BABAM2: variants seen among roughly 807,000 people sequenced by gnomAD.
BABAM2 encodes BRISC and BRCA1-A complex member 2.
Under a neutral mutation model 54.7 loss-of-function variants are expected in BABAM2, and 31 were observed. The ratio of observed to expected loss-of-function variants is 0.57; its 90% CI spans 0.43 to 0.77. The LOEUF (loss-of-function observed/expected upper bound fraction) is 0.77. Among genes scored for constraint, BABAM2 ranks in the 30% least tolerant of loss-of-function variants. The probability of loss-of-function intolerance (pLI) is 0.00; values close to 1 mark genes in which losing one functional copy is unlikely to be tolerated. For synonymous variants in BABAM2, 167 were observed against 162.9 expected (o/e 1.03, Z -0.19); for missense variants, 364 against 455.8 (o/e 0.80, Z 1.83).
intron 9 of BABAM2, among the ~76,000 whole-genome samples, chr2:28,242,579 A>G (rs1682544591): frequency 6.6e-6 from 1 of 152,242 alleles, no homozygotes; most frequent in Non-Finnish European, 1.5e-5. Flanking sequence ...CAGAAGGCTT[A>G]TAAATATATA....
chr2:28,120,869 A>G (rs567731924), intron 6 of BABAM2, among the ~76,000 whole-genome samples: 88 of 152,340 alleles, frequency 5.8e-4, no homozygotes, highest in African/African-American at 1.4e-3. Flanking sequence ...ACTTAAAGCC[A>G]CACCAATTAA....
intron 10 of BABAM2, among the ~76,000 whole-genome samples, chr2:28,295,122 G>A (rs1016461821): frequency 1.3e-5 from 2 of 152,046 alleles, no homozygotes; most frequent in Admixed American, 6.6e-5. Flanking sequence ...CAAAGAAGAT[G>A]GTTCCAAAAT....
chr2:28,003,510 A>G (rs1673725071), intron 4 of BABAM2, among the ~76,000 whole-genome samples: 1 of 152,130 alleles, frequency 6.6e-6, no homozygotes, highest in Admixed American at 6.5e-5. Context: ...GAATCGTTTG[A>G]GCCTGGGAGG....
chr2:28,271,450 A>G (rs1291476435), intron 10 of BABAM2, among the ~76,000 whole-genome samples: 2 of 152,148 alleles, frequency 1.3e-5, no homozygotes, highest in Non-Finnish European at 2.9e-5. Context: ...TGTGCTTCCA[A>G]TTCCAGTGAC....
intron 6 of BABAM2, among the ~76,000 whole-genome samples, chr2:28,118,591 G>A (rs1668801405): frequency 6.6e-6 from 1 of 151,784 alleles, no homozygotes; most frequent in South Asian, 2.1e-4. Flanking sequence ...TTGTAAATAT[G>A]TTTAAGTTCC....
At chr2:28,077,307 T>C (rs1664774334) in intron 6 of BABAM2, among the ~76,000 whole-genome samples, 1 of 152,228 alleles carries the variant, frequency 6.6e-6, no homozygotes, top group Non-Finnish European at 1.5e-5. Flanking sequence ...ATAAGACTAT[T>C]GTGTTTCGTT....
chr2:27,890,141 C>G (rs1664694757), upstream of BABAM2: 2 of 894,866 alleles, frequency 2.2e-6, no homozygotes, highest in Admixed American at 2.5e-5. The surrounding 1 kb of genome is among the most constrained non-coding windows in gnomAD (Gnocchi z 4.8). Flanking sequence ...AGCTCATACC[C>G]AAAGCTAGCA....
intron 7 of BABAM2, among the ~76,000 whole-genome samples, chr2:28,184,825 T>C (rs916440055): frequency 2.6e-5 from 4 of 152,184 alleles, no homozygotes; most frequent in African/African-American, 4.8e-5. Context: ...TATAATCCTT[T>C]CCCCAGGTAG....
intron 4 of BABAM2, among the ~76,000 whole-genome samples, chr2:28,024,127 G>C (rs1282232971): frequency 6.6e-6 from 1 of 152,118 alleles, no homozygotes; most frequent in Non-Finnish European, 1.5e-5. Flanking sequence ...GTCTTTGGCC[G>C]GGCACGGTGG....
rs559567403 is a variant in BABAM2 at position 28,131,121 on chromosome 2, G to C, written c.680+1741G>C. Among the ~76,000 whole-genome samples, 2 of 7,802 alleles carry C rather than the reference G, an allele frequency of 2.6e-4. 1 individual carries two copies. Among genetic ancestry groups the C allele is most frequent in the African/African-American group, 9.4e-4 (2 of 2,122 alleles). 5.1% of individuals were successfully genotyped at this position (7,802 alleles called of 152,430 possible). On this transcript the variant is annotated intron_variant, in intron 7 of 11. Transcript: ENST00000379624. ...TTTTGAGACGGAGTCTCGCTCTGTC[G>C]CCCAGGCTGGAGTGCAGTGGCGCAA...
chr2:28,164,839 A>G (rs998891557), intron 7 of BABAM2, among the ~76,000 whole-genome samples: 3 of 152,216 alleles, frequency 2.0e-5, no homozygotes, highest in Admixed American at 1.3e-4. Context: ...TCTTAAAGTA[A>G]ATAACTCCAG....
chr2:27,964,929 C>G (rs539091136), intron 3 of BABAM2, among the ~76,000 whole-genome samples: 8 of 152,162 alleles, frequency 5.3e-5, no homozygotes, highest in African/African-American at 1.9e-4. Context: ...TTGATGTTGT[C>G]CTCTAATATA....
chr2:27,892,489 A>C (rs148086002), intron 1 of BABAM2: 7 of 152,326 alleles, frequency 4.6e-5, no homozygotes, highest in Admixed American at 3.3e-4. Context: ...GTATATTTGT[A>C]CTTAGCATAT....
intron 7 of BABAM2, among the ~76,000 whole-genome samples, chr2:28,192,044 G>GT (rs1405958296): frequency 7.2e-5 from 11 of 151,826 alleles, no homozygotes; most frequent in East Asian, 5.8e-4. Context: ...GGTTTTTTGT[G>GT]TTTTTTTTGA....
At position 28,245,818 on chromosome 2, in the gene BABAM2, C is replaced by A. The variant is rs148429022; in HGVS notation, c.934+956C>A. Among the ~76,000 whole-genome samples the A allele has an allele frequency of 5.9e-4, 90 of 152,316 alleles. No homozygotes were observed. The South Asian group carries it at 0.012, about 20-fold the overall frequency. On this transcript the variant is annotated intron_variant, in intron 10 of 11. Transcript: ENST00000379624. ...CTTTGGCTGTATTTAGCCAAGGCAT[C>A]AGACAGTGTAAAGATACTGACTTTA...
chr2:27,959,989 C>T (rs1325077231), intron 3 of BABAM2, among the ~76,000 whole-genome samples: 9 of 152,060 alleles, frequency 5.9e-5, no homozygotes, highest in Non-Finnish European at 1.3e-4. Context: ...CTGATTGCTT[C>T]ATCCTAATTT....
At chr2:28,315,351 C>T (rs1474692344) in intron 11 of BABAM2, among the ~76,000 whole-genome samples, 1 of 151,684 alleles carries the variant, frequency 6.6e-6, no homozygotes, top group Non-Finnish European at 1.5e-5. Flanking sequence ...TGTTGGTGTT[C>T]ACCATGCTAA....
At chr2:27,998,541 CT>C (rs1673343024) in intron 4 of BABAM2, among the ~76,000 whole-genome samples, 1 of 151,900 alleles carries the variant, frequency 6.6e-6, no homozygotes, top group South Asian at 2.1e-4. Context: ...TCTTAAGCAC[CT>C]TTTAAAATTG....
intron 6 of BABAM2, among the ~76,000 whole-genome samples, chr2:28,113,023 TC>T (rs1173310508): frequency 6.6e-6 from 1 of 152,232 alleles, no homozygotes; most frequent in Non-Finnish European, 1.5e-5. Flanking sequence ...TCTGTTCATA[TC>T]CTTTGCCCAC....
Sources: gnomAD v4.1 joint callset for allele counts (sites outside exome capture counted in the v4.1 genomes callset) on GRCh38, gnomAD v4.1.1 for gene constraint, Gnocchi (gnomAD v3.1) non-coding constraint, MANE v1.5 for transcripts, NCBI Gene and HGNC (gene_info 2026-07-23, HGNC 2026-07-21) for gene names.